The following STEAP1B variants were observed in gnomAD, a reference collection of about 807,000 sequenced individuals.
The protein encoded by STEAP1B is STEAP family protein MGC87042.
Under a neutral mutation model 27.9 loss-of-function variants are expected in STEAP1B, and 13 were observed. The observed-to-expected ratio is 0.47, with a 90% CI of 0.30 to 0.74. STEAP1B has a LOEUF of 0.74. Ranked by LOEUF, STEAP1B falls within the 30% of genes least tolerant of loss-of-function variation. The pLI, the probability that STEAP1B is intolerant of heterozygous loss-of-function variation, is 0.06. For missense variants in STEAP1B, 250 were observed against 298.7 expected, an observed-to-expected ratio of 0.84 and a Z score of 1.20; for synonymous variants, 86 against 107.1, an observed-to-expected ratio of 0.80 and a Z score of 1.22.
At chr7:22,476,000 G>T (rs1785965165) in intron 4 of STEAP1B, among the ~76,000 whole-genome samples, 1 of 152,246 alleles carries the variant, frequency 6.6e-6, no homozygotes, top group East Asian at 1.9e-4. Context: ...GCTGGCTCTT[G>T]AACTATTTGG....
chr7:22,470,668 A>C (rs1267765800), intron 4 of STEAP1B, among the ~76,000 whole-genome samples: 1 of 152,190 alleles, frequency 6.6e-6, no homozygotes, highest in Non-Finnish European at 1.5e-5. Context: ...TGGGAGACTG[A>C]GGCAGGATTG....
At chr7:22,473,198 GT>G (rs1159129810) in intron 4 of STEAP1B, among the ~76,000 whole-genome samples, 1 of 152,188 alleles carries the variant, frequency 6.6e-6, no homozygotes, top group African/African-American at 2.4e-5. Flanking sequence ...TTCTTCAGAT[GT>G]TTTGCAAGGA....
At chr7:22,420,813 C>T (rs1490286922) in intron 4 of STEAP1B, among the ~76,000 whole-genome samples, 2 of 152,194 alleles carry the variant, frequency 1.3e-5, no homozygotes, top group Non-Finnish European at 2.9e-5. Flanking sequence ...CATGTATAAA[C>T]TCTCTAATCC....
chr7:22,476,115 G>C (rs1785967342), intron 4 of STEAP1B, among the ~76,000 whole-genome samples: 1 of 152,186 alleles, frequency 6.6e-6, no homozygotes, highest in Admixed American at 6.5e-5. Context: ...CACTGCACTG[G>C]TCTGAGCTGG....
At chr7:22,451,217 A>AC (rs1785483246) in intron 4 of STEAP1B, among the ~76,000 whole-genome samples, 1 of 151,852 alleles carries the variant, frequency 6.6e-6, no homozygotes, top group Non-Finnish European at 1.5e-5. Flanking sequence ...AAAGAAAATT[A>AC]CTTTTTCAGA....
chr7:22,486,647 C>G (rs768502694), intron 4 of STEAP1B, among the ~76,000 whole-genome samples: 4 of 152,094 alleles, frequency 2.6e-5, no homozygotes, highest in Non-Finnish European at 5.9e-5. Flanking sequence ...TTCTCCTGTG[C>G]CTGTCCCTCT....
intron 4 of STEAP1B, among the ~76,000 whole-genome samples, chr7:22,483,956 T>G (rs759271637): frequency 6.6e-6 from 1 of 152,242 alleles, no homozygotes; most frequent in Admixed American, 6.5e-5. Context: ...AGCCAAAGCC[T>G]AATCCAGAGC....
chr7:22,481,438 T>C (rs914709873), intron 4 of STEAP1B, among the ~76,000 whole-genome samples: 1 of 152,192 alleles, frequency 6.6e-6, no homozygotes, highest in African/African-American at 2.4e-5. Flanking sequence ...GTTTCTCTTC[T>C]GTAAGGGAAG....
rs1280576057 is a variant in STEAP1B at position 22,493,490 on chromosome 7, C to T, written c.431G>A (p.Gly144Glu). ...VIAAIVQVHN[G>E]TKYKKFPHWL... ...ATGTGGAAACTTCTTATACTTGGTT[C>T]CATTATGAACTTGGACAATTGCTGC... The change falls in exon 3 of 5, where the codon GGA becomes GAA. Residue 144 changes from glycine to glutamate, a missense_variant. Gly to Glu is a moderately conservative substitution (Grantham distance 98). Transcript: ENST00000678116. The T allele has an allele frequency of 6.2e-7, 1 of 1,613,612 alleles. No homozygotes were observed. Among genetic ancestry groups the T allele is most frequent in the South Asian group, 1.1e-5 (1 of 91,052 alleles).
intron 4 of STEAP1B, among the ~76,000 whole-genome samples, chr7:22,470,682 C>T (rs76293830): frequency 0.026 from 3,928 of 152,096 alleles, 138 homozygotes; most frequent in Admixed American, 0.097. Flanking sequence ...AGGATTGAAT[C>T]CTGGAATAGA....
chr7:22,485,878 T>C (rs4719696), intron 4 of STEAP1B, among the ~76,000 whole-genome samples: 71,977 of 151,976 alleles, frequency 0.47, 17,332 homozygotes, highest in East Asian at 0.57. Flanking sequence ...CCAAGAACTG[T>C]ATTTCTAACA....
intron 4 of STEAP1B, among the ~76,000 whole-genome samples, chr7:22,433,743 C>G (rs1179756590): frequency 1.3e-5 from 2 of 152,294 alleles, no homozygotes; most frequent in Non-Finnish European, 2.9e-5. Flanking sequence ...AGCTACCCAC[C>G]ACTACTCATT....
At chr7:22,476,687 T>C (rs562684737) in intron 4 of STEAP1B, among the ~76,000 whole-genome samples, 7 of 152,160 alleles carry the variant, frequency 4.6e-5, no homozygotes, top group Non-Finnish European at 8.8e-5. Context: ...ACAGGGTCAT[T>C]CTTAGGGTGT....
At chr7:22,482,499 T>C (rs138362746) in intron 4 of STEAP1B, among the ~76,000 whole-genome samples, 66 of 152,234 alleles carry the variant, frequency 4.3e-4, no homozygotes, top group East Asian at 3.3e-3. Flanking sequence ...AGAGGAGAGC[T>C]AAGGAGATCT....
chr7:22,500,055 G>GGGGA (rs1013364278), intron 1 of STEAP1B, 59 bp downstream of exon 1: 16 of 152,894 alleles, frequency 1.0e-4, no homozygotes, highest in African/African-American at 3.8e-4. Context: ...CAGCCTTGCA[G>GGGGA]GGACACGCAG....
At chr7:22,461,366 G>A (rs1242057953) in intron 4 of STEAP1B, among the ~76,000 whole-genome samples, 2 of 152,086 alleles carry the variant, frequency 1.3e-5, no homozygotes, top group African/African-American at 4.8e-5. Context: ...GGGTTCAAGC[G>A]ATTCTCCCTG....
chr7:22,489,136 C>A (rs999689783), intron 4 of STEAP1B, among the ~76,000 whole-genome samples: 14 of 152,142 alleles, frequency 9.2e-5, no homozygotes, highest in African/African-American at 3.1e-4. Context: ...ATCGCCTGCA[C>A]GTGACTTCAC....
intron 1 of STEAP1B, among the ~76,000 whole-genome samples, chr7:22,497,496 G>A (rs1188779153): frequency 2.0e-5 from 3 of 151,992 alleles, no homozygotes; most frequent in Non-Finnish European, 1.5e-5. Context: ...AGTGTGATTT[G>A]GGTGTTCACC....
rs149173969 is a variant in STEAP1B at position 22,419,901 on chromosome 7, C to T, written c.763-65G>A. ...TAGTGACTATCACTATATTAATTTG[C>T]GTCCATTTTATTATGGAAAACATGA... On this transcript the variant is annotated intron_variant, in intron 4 of 4. Transcript: ENST00000678116. The T allele has an allele frequency of 2.9e-4, 424 of 1,478,074 alleles. 2 individuals are homozygous for T. In the African/African-American group the frequency reaches 3.9e-3, roughly 14 times the overall value. 91.6% of individuals were successfully genotyped at this position (1,478,074 alleles called of 1,614,324 possible).
Sources: gnomAD v4.1 joint callset for allele counts (sites outside exome capture counted in the v4.1 genomes callset) on GRCh38, gnomAD v4.1.1 for gene constraint, MANE v1.5 for transcripts, NCBI Gene and HGNC (gene_info 2026-07-23, HGNC 2026-07-21) for gene names.